ZNF8: variants seen among roughly 807,000 people sequenced by gnomAD.
ZNF8 encodes the protein zinc finger protein 272.
Under a neutral mutation model 12.2 loss-of-function variants are expected in ZNF8, and 9 were observed. That is an observed-to-expected ratio of 0.73 (90% CI 0.44 to 1.28). The LOEUF is 1.28. Among genes scored for constraint, ZNF8 ranks in the 50% most tolerant of loss-of-function variants. The pLI is 0.00. For synonymous variants in ZNF8, 274 were observed against 282.3 expected (o/e 0.97, Z 0.30); for missense variants, 664 against 729.1 (o/e 0.91, Z 1.03).
At chr19:58,290,321 G>A (rs550471) in intron 3 of ZNF8, among the ~76,000 whole-genome samples, 43,835 of 148,474 alleles carry the variant, frequency 0.3, 6,329 homozygotes, top group East Asian at 0.46. Context: ...TCACCGTGTT[G>A]GCCAGGATGG....
intron 1 of ZNF8, chr19:58,280,215 T>C (rs1007528368): frequency 7.7e-6 from 2 of 259,702 alleles, no homozygotes; most frequent in African/African-American, 4.7e-5. Context: ...GAAGTTACAG[T>C]GAAGATGTCA....
At chr19:58,281,624 G>A (rs1022101146) in intron 1 of ZNF8, among the ~76,000 whole-genome samples, 1 of 152,124 alleles carries the variant, frequency 6.6e-6, no homozygotes, top group African/African-American at 2.4e-5. Context: ...GGCACGGGAA[G>A]CACAAATCAA....
At chr19:58,282,921 C>T (rs2051359624) in intron 1 of ZNF8, among the ~76,000 whole-genome samples, 1 of 152,036 alleles carries the variant, frequency 6.6e-6, no homozygotes, top group African/African-American at 2.4e-5. Flanking sequence ...AGCCACTGCG[C>T]CCAGCCTCTT....
chr19:58,279,344 C>G (rs1226238542), intron 1 of ZNF8, 197 bp downstream of exon 1: 4 of 1,473,504 alleles, frequency 2.7e-6, no homozygotes, highest in Non-Finnish European at 3.6e-6. Context: ...AACCAGGCGC[C>G]TGGCCCCCGA....
chr19:58,300,775 C>T lies in ZNF8; in HGVS notation c.*5239C>T, dbSNP rs1368878535. ...GCTCCCTATTCCCTTGGTGGCAGCT[C>T]ACACCTCAGACCTGCTGTCCGCCCC... On this transcript the variant is annotated 3_prime_UTR_variant, in exon 4 of 4. Transcript: ENST00000621650. 2.0e-5 allele frequency: 3 copies of T among 152,462 alleles called. No individual in the cohort carries two copies. The highest frequency in any genetic ancestry group is 4.4e-5 in the Non-Finnish European group (3 of 68,282). The allele number at this position is 152,462 out of a possible 1,614,324, so 9.4% of individuals were successfully genotyped here.
intron 1 of ZNF8, chr19:58,279,408 C>G (rs1215750638): frequency 2.8e-6 from 4 of 1,444,532 alleles, no homozygotes; most frequent in Non-Finnish European, 3.6e-6. Flanking sequence ...CGGTCATTCC[C>G]GAGAGAATCG....
At chr19:58,293,969 G>A (rs1450082216) in intron 3 of ZNF8, 129 bp from the exon 4 acceptor site, 7 of 793,314 alleles carry the variant, frequency 8.8e-6, no homozygotes, top group Non-Finnish European at 6.0e-6. Context: ...AAAATAAGAG[G>A]AGAATCAGGG....
chr19:58,295,451 A>C lies in ZNF8; in HGVS notation c.1643A>C (p.Gln548Pro), dbSNP rs1216553382. 6.2e-7 allele frequency: 1 copy of C among 1,613,804 alleles called. No homozygotes were observed. Residue 548 changes from glutamine (Q) to proline (P), a missense_variant, in exon 4 of 4, where the codon CAA becomes CCA. Gln to Pro is a moderately conservative substitution (Grantham distance 76). Coordinates refer to ENST00000621650, the MANE Select transcript of ZNF8 (RefSeq NM_021089.3). The part of the protein sequence containing the change: ...LALFDIQKIM[Q>P]EKNPVHVIGV... ...TTGTTTGACATCCAAAAAATCATGC[A>C]AGAGAAAAACCCTGTGCACGTTATT... is the stretch of plus-strand genomic sequence containing the variant.
chr19:58,295,185 G>A lies in ZNF8; in HGVS notation c.1377G>A (p.Arg459=), dbSNP rs1264311808. 2 of 1,613,998 alleles carry A rather than the reference G, an allele frequency of 1.2e-6. No homozygotes were observed. The highest frequency in any genetic ancestry group is 1.7e-6 in the Non-Finnish European group (2 of 1,180,054). ...ACCCACCTTTGAGTCAAGATGAGAG[G>A]ACTCACCGAAGCGACAGACCCTTCA... ...GCDPPLSQDE[R]THRSDRPFKC... is the part of the protein sequence containing the mutation. Residue 459 remains arginine (R), a synonymous_variant, in exon 4 of 4, where the codon AGG becomes AGA. Coordinates refer to ENST00000621650, the MANE Select transcript of ZNF8 (RefSeq NM_021089.3).
Position 58,294,891 on chromosome 19 carries a change from GAC to G in ZNF8, c.1090_1091del (p.Thr364TrpfsTer36). ...QNSSLGRHKR[T>X]HTGEKPYTCS... ...ACTCCTCCCTGGGGCGGCACAAGAG[GAC>G]ACACACTGGGGAGAAGCCATACACC... On this transcript the variant is annotated frameshift_variant, in exon 4 of 4. Coordinates refer to ENST00000621650, the MANE Select transcript of ZNF8 (RefSeq NM_021089.3). LOFTEE classifies it low-confidence loss of function (END_TRUNC). The surrounding 1 kb of genome is among the most constrained non-coding windows in gnomAD (Gnocchi z 5.5). 6.2e-7 allele frequency: 1 copy of G among 1,614,130 alleles called. No individual in the cohort carries two copies. The highest frequency in any genetic ancestry group is 8.5e-7 in the Non-Finnish European group (1 of 1,180,018).
At chr19:58,285,978 A>G (rs400733) in intron 2 of ZNF8, 132 bp from the exon 3 acceptor site, 17 of 1,418,532 alleles carry the variant, frequency 1.2e-5, no homozygotes, top group African/African-American at 2.8e-5. Context: ...GCCCTTTTCC[A>G]TCACCATGCA....
chr19:58,292,145 A>G (rs545071212), intron 3 of ZNF8, among the ~76,000 whole-genome samples: 159 of 152,340 alleles, frequency 1.0e-3, no homozygotes, highest in African/African-American at 3.6e-3. Flanking sequence ...TGTACCACTC[A>G]GCGGTTTTGA....
At chr19:58,279,669 A>T in intron 1 of ZNF8, 1 of 1,532,776 alleles carries the variant, frequency 6.5e-7, no homozygotes, top group Non-Finnish European at 8.7e-7. Flanking sequence ...CCACGCACTG[A>T]GTGTGATGAG....
chr19:58,290,664 C>T (rs2051414061), intron 3 of ZNF8, among the ~76,000 whole-genome samples: 2 of 151,936 alleles, frequency 1.3e-5, no homozygotes, highest in South Asian at 2.1e-4. Context: ...GGAGGCTGAG[C>T]GGGGAGGATT....
In ZNF8 at chr19:58,294,586, A is replaced by C. The variant is rs867299811; in HGVS notation, c.778A>C (p.Thr260Pro). 1 of 1,614,052 alleles carries C rather than the reference A, an allele frequency of 6.2e-7. No individual in the cohort carries two copies. Among genetic ancestry groups the C allele is most frequent in the African/African-American group, 1.3e-5 (1 of 74,928 alleles). Residue 260 changes from threonine (T) to proline (P), a missense_variant, in exon 4 of 4, where the codon ACT becomes CCT. By Grantham distance (38) the Thr-to-Pro change is conservative. Around this residue, in one of 3 missense-constraint regions of ZNF8, gnomAD observed 133 missense variants for 198.4 expected, o/e 0.67. Coordinates refer to ENST00000621650, the MANE Select transcript of ZNF8 (RefSeq NM_021089.3). The surrounding 1 kb of genome is among the most constrained non-coding windows in gnomAD (Gnocchi z 5.5). The part of the protein sequence containing the change: ...SQVQDKPYKC[T>P]DCGKSFNHNA... ...GGTGCAGGACAAACCCTACAAATGT[A>C]CTGACTGTGGGAAGTCGTTTAACCA...
intron 1 of ZNF8, chr19:58,279,513 A>G: frequency 6.7e-7 from 1 of 1,492,644 alleles, no homozygotes; most frequent in African/African-American, 1.4e-5. Flanking sequence ...CAGTAATTGT[A>G]GCGTTGGCCG....
Position 58,295,653 on chromosome 19 carries a change from T to TA in ZNF8, c.*119dup. 1 of 938,108 alleles carries TA rather than the reference T, an allele frequency of 1.1e-6. No homozygotes were observed. Among genetic ancestry groups the TA allele is most frequent in the Non-Finnish European group, 1.6e-6 (1 of 628,836 alleles). The allele number at this position is 938,108 out of a possible 1,614,324, so 58.1% of individuals were successfully genotyped here. ...ATGTCATGGGTGACTTCTGACTTTCTAAGGAAATGATGCTTCCCAAGCACC... is the reference window on the plus strand; with the variant it reads ...ATGTCATGGGTGACTTCTGACTTTCTAAAGGAAATGATGCTTCCCAAGCACC... On this transcript the variant is annotated 3_prime_UTR_variant, in exon 4 of 4. Transcript: ENST00000621650.
In ZNF8 at chr19:58,290,328, A is replaced by G. The variant is rs184484293; in HGVS notation, c.290-3770A>G. Among the ~76,000 whole-genome samples the G allele has an allele frequency of 2.7e-5, 4 of 148,648 alleles. No homozygotes were observed. The South Asian group carries it at 8.6e-4, about 32-fold the overall frequency. On this transcript the variant is annotated intron_variant, in intron 3 of 3. Coordinates refer to ENST00000621650, the MANE Select transcript of ZNF8 (RefSeq NM_021089.3). ...ACGGGGTTTCACCGTGTTGGCCAGG[A>G]TGGTCTCTATCTCCTGACCTCGTGA...
chr19:58,282,408 AATT>A (rs2051356164), intron 1 of ZNF8, among the ~76,000 whole-genome samples: 1 of 152,086 alleles, frequency 6.6e-6, no homozygotes, highest in African/African-American at 2.4e-5. Flanking sequence ...TGTGATTCCC[AATT>A]ATTATCTCCC....
Sources: allele counts gnomAD v4.1 joint callset (sites outside exome capture counted in the v4.1 genomes callset), GRCh38; gene constraint gnomAD v4.1.1; regional missense constraint gnomAD v4.1.1; non-coding constraint Gnocchi (gnomAD v3.1); transcripts MANE v1.5; gene names NCBI Gene and HGNC (gene_info 2026-07-23, HGNC 2026-07-21).